Variants in IFT81 observed in about 807,000 individuals in gnomAD.
IFT81 encodes the protein intraflagellar transport 81.
In IFT81, 72 loss-of-function variants were observed where a neutral mutation model predicts 102.6. The observed-to-expected ratio is 0.70, with a 90% CI of 0.58 to 0.85. The LOEUF (loss-of-function observed/expected upper bound fraction) is 0.85, where lower values mean the gene tolerates loss of function less well. IFT81 is among the 40% of genes least tolerant of loss of function. The probability of loss-of-function intolerance (pLI) is 0.00; values close to 1 mark genes in which losing one functional copy is unlikely to be tolerated. For missense variants in IFT81, 723 were observed against 787.3 expected (o/e 0.92, Z 0.98); for synonymous variants, 237 against 242.7 (o/e 0.98, Z 0.22).
At chr12:110,143,681 A>T in intron 9 of IFT81, 136 bp downstream of exon 9, 1 of 608,894 alleles carries the variant, frequency 1.6e-6, no homozygotes. Flanking sequence ...AACTCTTATG[A>T]GGAATTGTCC....
intron 4 of IFT81, 98 bp from the exon 5 acceptor site, chr12:110,132,447 AAG>A (rs1462590240): frequency 1.9e-5 from 10 of 515,148 alleles, no homozygotes; most frequent in Non-Finnish European, 6.8e-6. Flanking sequence ...GCGACAGAGC[AAG>A]AGTCTGTCTC....
chr12:110,209,051 T>C lies in IFT81; in HGVS notation c.1803-120T>C, dbSNP rs1026131989. On this transcript the variant is annotated intron_variant, in intron 17 of 18. Coordinates refer to ENST00000242591, the MANE Select transcript of IFT81 (RefSeq NM_014055.4). Reference sequence around the variant, plus strand: ...ATTTTATAATGGGTTTCATTCTGACTCCAGTACCCTAAACTATATTGCCTA... The same window carrying C: ...ATTTTATAATGGGTTTCATTCTGACCCCAGTACCCTAAACTATATTGCCTA... The C allele has an allele frequency of 1.7e-5, 8 of 459,528 alleles. No individual in the cohort carries two copies. The East Asian group carries it at 2.8e-4, about 16-fold the overall frequency. 28.5% of individuals were successfully genotyped at this position (459,528 alleles called of 1,614,324 possible).
intron 8 of IFT81, among the ~76,000 whole-genome samples, chr12:110,138,116 T>TA (rs1255238692): frequency 6.6e-6 from 1 of 152,112 alleles, no homozygotes; most frequent in Non-Finnish European, 1.5e-5. Context: ...AAATAGCTGA[T>TA]AGAGGGTTAA....
chr12:110,198,971 G>T (rs935895144), intron 14 of IFT81, among the ~76,000 whole-genome samples: 6 of 151,792 alleles, frequency 4.0e-5, no homozygotes, highest in Non-Finnish European at 8.8e-5. Flanking sequence ...ACCACGCCTG[G>T]CTAATTTTTG....
At chr12:110,154,173 C>T (rs189947087) in intron 10 of IFT81, among the ~76,000 whole-genome samples, 33 of 151,454 alleles carry the variant, frequency 2.2e-4, no homozygotes, top group South Asian at 8.4e-4. Context: ...TTAGTAGAGA[C>T]GGGGTTTCAC....
intron 11 of IFT81, among the ~76,000 whole-genome samples, chr12:110,170,303 C>A (rs926759879): frequency 2.0e-5 from 3 of 152,168 alleles, no homozygotes; most frequent in African/African-American, 7.2e-5. Context: ...GTGGTTCATG[C>A]CTGTATTATT....
At chr12:110,201,334 A>G (rs970506710) in intron 14 of IFT81, among the ~76,000 whole-genome samples, 3 of 151,532 alleles carry the variant, frequency 2.0e-5, no homozygotes, top group South Asian at 2.1e-4. Flanking sequence ...CCCGGGAGGC[A>G]GAGGTTGTAG....
At chr12:110,178,063 C>G (rs895300790) in intron 11 of IFT81, among the ~76,000 whole-genome samples, 2 of 151,656 alleles carry the variant, frequency 1.3e-5, no homozygotes, top group Non-Finnish European at 2.9e-5. Flanking sequence ...CCACTGTACT[C>G]CAGCCTAGGT....
chr12:110,182,357 A>G (rs1012880004), intron 12 of IFT81, among the ~76,000 whole-genome samples: 2 of 152,218 alleles, frequency 1.3e-5, no homozygotes, highest in African/African-American at 4.8e-5. Flanking sequence ...TTTGGTTCCA[A>G]GGACATAACT....
Position 110,210,858 on chromosome 12 carries a change from CT to C in IFT81, c.1848+1651del, listed in dbSNP as rs1321593910. Among the ~76,000 whole-genome samples the C allele has an allele frequency of 5.7e-4, 85 of 149,400 alleles. No homozygotes were observed. The East Asian group carries it at 0.015, about 26-fold the overall frequency. ...ATACCTAGTGTTCAAAATCTTTTTC[CT>C]TTTTTTTTCGAGACAGAGTCTCACT... is the stretch of plus-strand genomic sequence containing the variant. On this transcript the variant is annotated intron_variant, in intron 18 of 18. Transcript: ENST00000242591.
At chr12:110,215,616 C>T (rs1234915947) in intron 18 of IFT81, among the ~76,000 whole-genome samples, 4 of 150,930 alleles carry the variant, frequency 2.7e-5, no homozygotes, top group Non-Finnish European at 5.9e-5. Context: ...CATGTGCCAC[C>T]ATACACAACT....
chr12:110,146,845 T>A, intron 9 of IFT81, 108 bp from the exon 10 acceptor site: 199 of 1,200,872 alleles, frequency 1.7e-4, no homozygotes, highest in Admixed American at 4.0e-4. Context: ...ACCTTGTCTT[T>A]AAAAAAAAAG....
chr12:110,205,617 G>A lies in IFT81; in HGVS notation c.1739G>A (p.Arg580His), dbSNP rs757736289. The change falls in exon 17 of 19, where the codon CGT becomes CAT. Residue 580 changes from arginine to histidine, a missense_variant. By Grantham distance (29) the Arg-to-His change is conservative. Coordinates refer to ENST00000242591, the MANE Select transcript of IFT81 (RefSeq NM_014055.4). ...MIKNLEVQLR[R>H]ATDEMKAYIS... ...TAGAACCTAGAAGTTCAACTTCGTC[G>A]TGCTACTGATGAGATGAAGGCATAT... The A allele has an allele frequency of 1.7e-5, 27 of 1,602,950 alleles. No homozygotes were observed. Among genetic ancestry groups the A allele is most frequent in the Middle Eastern group, 3.3e-4 (2 of 6,046 alleles).
intron 10 of IFT81, among the ~76,000 whole-genome samples, chr12:110,155,870 G>A (rs967338972): frequency 6.6e-5 from 10 of 151,774 alleles, no homozygotes; most frequent in African/African-American, 2.2e-4. Context: ...GGTTACCATG[G>A]GGATTACATC....
rs575064050 is a variant in IFT81, at chr12:110,217,786, A to G, written c.1849-258A>G. On this transcript the variant is annotated intron_variant, in intron 18 of 18. Transcript: ENST00000242591. ...GGCAAACAGTTTGACTTAGTGTTGG[A>G]TTTAGTAGAGCTCTTGATCTCCTGA... Among the ~76,000 whole-genome samples, 100 of 151,752 alleles carry G rather than the reference A, an allele frequency of 6.6e-4. 4 individuals are homozygous for G. In the South Asian group the frequency reaches 0.02, roughly 31 times the overall value.
intron 18 of IFT81, among the ~76,000 whole-genome samples, chr12:110,213,099 C>T (rs1450014001): frequency 2.0e-5 from 3 of 151,886 alleles, no homozygotes; most frequent in East Asian, 1.9e-4. Context: ...ATTATCCTAC[C>T]GAAAAGAATT....
intron 5 of IFT81, among the ~76,000 whole-genome samples, chr12:110,132,884 A>T (rs902863422): frequency 3.9e-5 from 6 of 152,148 alleles, no homozygotes; most frequent in African/African-American, 1.4e-4. Flanking sequence ...CTATTCCTCC[A>T]TTATGTCCTG....
rs556525380 is a variant in IFT81, at chr12:110,170,200, G to T, written c.1188+7135G>T. Among the ~76,000 whole-genome samples the T allele has an allele frequency of 3.3e-5, 5 of 151,816 alleles. No homozygotes were observed. The East Asian group carries it at 9.7e-4, about 30-fold the overall frequency. ...AATCTCCTGACCTCATGATCCACCC[G>T]CCTTAGCCTCCCAAAGTGCTGGGAT... On this transcript the variant is annotated intron_variant, in intron 11 of 18. Coordinates refer to ENST00000242591, the MANE Select transcript of IFT81 (RefSeq NM_014055.4).
At chr12:110,199,488 G>A (rs1898162978) in intron 14 of IFT81, among the ~76,000 whole-genome samples, 1 of 152,120 alleles carries the variant, frequency 6.6e-6, no homozygotes, top group Non-Finnish European at 1.5e-5. Context: ...GCTGCCTGAG[G>A]ACAGCTATGA....
Sources: allele counts gnomAD v4.1 joint callset (sites outside exome capture counted in the v4.1 genomes callset), GRCh38; gene constraint gnomAD v4.1.1; transcripts MANE v1.5; gene names NCBI Gene and HGNC (gene_info 2026-07-23, HGNC 2026-07-21).